Variants in TRAF2 observed in about 807,000 individuals in gnomAD.
The protein encoded by TRAF2 is TNF receptor associated factor 2.
TRAF2 carries 6 observed loss-of-function variants against 55.6 expected under a neutral mutation model. The observed-to-expected ratio is 0.11, with a 90% CI of 0.06 to 0.21. The LOEUF is 0.21. Ranked by LOEUF, TRAF2 falls within the 10% of genes least tolerant of loss-of-function variation. TRAF2 has a pLI of 1.00. For missense variants in TRAF2, 561 were observed against 684.5 expected (o/e 0.82, Z 2.01); for synonymous variants, 329 against 276.3 (o/e 1.19, Z -1.89).
chr9:136,910,992 C>T (rs572422711), intron 6 of TRAF2, among the ~76,000 whole-genome samples: 2 of 152,202 alleles, frequency 1.3e-5, no homozygotes, highest in Non-Finnish European at 2.9e-5. Context: ...GCCTGGGGCC[C>T]GTGTCTGTGA....
At chr9:136,899,543 T>C in intron 2 of TRAF2, 51 bp from the exon 3 acceptor site, 1 of 1,558,438 alleles carries the variant, frequency 6.4e-7, no homozygotes, top group South Asian at 1.2e-5. Flanking sequence ...GGTGTTTGTT[T>C]TTTGCATTAG....
At chr9:136,924,886 G>T (rs528218748) in intron 10 of TRAF2, among the ~76,000 whole-genome samples, 3 of 151,950 alleles carry the variant, frequency 2.0e-5, no homozygotes, top group Non-Finnish European at 4.4e-5. Flanking sequence ...CTACAGGCAT[G>T]CACCACCACG....
intron 10 of TRAF2, among the ~76,000 whole-genome samples, 161 bp from the exon 11 acceptor site, chr9:136,925,522 G>A (rs1331684972): frequency 6.6e-6 from 1 of 151,924 alleles, no homozygotes; most frequent in Non-Finnish European, 1.5e-5. Context: ...CGCTGTGGCA[G>A]GAGCAAGGCC....
chr9:136,917,079 CAG>C (rs775573867), intron 7 of TRAF2, among the ~76,000 whole-genome samples: 1 of 152,218 alleles, frequency 6.6e-6, no homozygotes, highest in African/African-American at 2.4e-5. Context: ...TTCGGGCTGA[CAG>C]AGGTCTCGTC....
chr9:136,920,632 C>A, intron 8 of TRAF2, 117 bp downstream of exon 8: 1 of 1,323,246 alleles, frequency 7.6e-7, no homozygotes, highest in Non-Finnish European at 1.0e-6. Context: ...TGTAGAACTC[C>A]ATCTGCAAAC....
chr9:136,890,379 C>G (rs954031715), intron 1 of TRAF2: 1 of 152,280 alleles, frequency 6.6e-6, no homozygotes, highest in Non-Finnish European at 1.5e-5. Flanking sequence ...CCCCTCACGT[C>G]TCTTATGATA....
At position 136,920,512 on chromosome 9, in the gene TRAF2, C is replaced by T; in HGVS notation, c.957C>T (p.Ser319=). The T allele has an allele frequency of 6.2e-7, 1 of 1,608,134 alleles. No individual in the cohort carries two copies. The highest frequency in any genetic ancestry group is 8.5e-7 in the Non-Finnish European group (1 of 1,176,436). The part of the protein sequence containing the change: ...LDQDKIEALS[S]KVQQLERSIG... The stretch of plus-strand genomic sequence containing the variant: ...AAGACAAGATTGAAGCCCTGAGTAG[C>T]AAGGTTTGTGCCTGCCGGGTGGCCA... Residue 319 remains serine (S), a synonymous_variant, in exon 8 of 11, where the codon AGC becomes AGT. Transcript: ENST00000247668.
chr9:136,889,915 C>T (rs991748841), intron 1 of TRAF2, among the ~76,000 whole-genome samples: 6 of 152,108 alleles, frequency 3.9e-5, no homozygotes, highest in Non-Finnish European at 8.8e-5. Context: ...TAATCACCCC[C>T]GCATGCTTGT....
intron 10 of TRAF2, among the ~76,000 whole-genome samples, chr9:136,925,372 C>T (rs2131339415): frequency 6.6e-6 from 1 of 152,298 alleles, no homozygotes; most frequent in South Asian, 2.1e-4. Flanking sequence ...TTTGCATTTT[C>T]CTAATAATAA....
chr9:136,913,283 T>C (rs1469112042), intron 6 of TRAF2, among the ~76,000 whole-genome samples: 2 of 149,062 alleles, frequency 1.3e-5, no homozygotes, highest in Non-Finnish European at 3.0e-5. Context: ...ACCATGTTCT[T>C]ATTATAAAGG....
chr9:136,908,253 C>G, intron 5 of TRAF2, 22 bp downstream of exon 5: 1 of 1,546,412 alleles, frequency 6.5e-7, no homozygotes. Flanking sequence ...GGAGCAGCAG[C>G]CTGTGTGGCT....
chr9:136,883,496 A>G (rs1337811807), upstream of TRAF2, among the ~76,000 whole-genome samples: 1 of 152,124 alleles, frequency 6.6e-6, no homozygotes, highest in Non-Finnish European at 1.5e-5. Flanking sequence ...TGAAGGAAGT[A>G]GAGTGTCCTA....
At chr9:136,924,096 C>CT in intron 10 of TRAF2, 96 bp downstream of exon 10, 1 of 1,459,706 alleles carries the variant, frequency 6.9e-7, no homozygotes, top group South Asian at 1.3e-5. Flanking sequence ...GACAAGGTGG[C>CT]TTGGGCTCGC....
At position 136,924,019 on chromosome 9, in the gene TRAF2, G is replaced by T; in HGVS notation, c.1287+19G>T. 6.2e-7 allele frequency: 1 copy of T among 1,610,496 alleles called. No individual in the cohort carries two copies. Among genetic ancestry groups the T allele is most frequent in the Non-Finnish European group, 8.5e-7 (1 of 1,179,562 alleles). On this transcript the variant is annotated intron_variant, in intron 10 of 10. Transcript: ENST00000247668. ...CCAGAAGGTGAGGCCGTCCCTGCAG[G>T]CTTCGCTAGGGCCGCACCTGGGAGT...
chr9:136,888,380 G>T (rs771235162), intron 1 of TRAF2, among the ~76,000 whole-genome samples: 2 of 152,046 alleles, frequency 1.3e-5, no homozygotes, highest in Non-Finnish European at 2.9e-5. Flanking sequence ...GCAGTGAGCC[G>T]AGATCGCGCC....
intron 6 of TRAF2, among the ~76,000 whole-genome samples, chr9:136,912,152 C>CTTTTTTTTTTTTT (rs1180324647): frequency 1.5e-4 from 9 of 58,330 alleles, no homozygotes; most frequent in African/African-American, 6.8e-4. Context: ...GCGTCTGGCC[C>CTTTTTTTTTTTTT]TTTTTTTTTT....
intron 4 of TRAF2, among the ~76,000 whole-genome samples, chr9:136,901,157 C>T (rs937668174): frequency 6.6e-6 from 1 of 152,116 alleles, no homozygotes; most frequent in Non-Finnish European, 1.5e-5. Flanking sequence ...GTGATTCTCA[C>T]GTCACCTTTT....
intron 10 of TRAF2, among the ~76,000 whole-genome samples, chr9:136,924,241 AT>A (rs1850467105): frequency 6.6e-6 from 1 of 152,210 alleles, no homozygotes; most frequent in Admixed American, 6.5e-5. Context: ...GACCTGTCAG[AT>A]AAATATAAAT....
rs1849793824 is a variant in TRAF2 at position 136,900,522 on chromosome 9, TAAAGATGCCTGCGTGTGGC to T, written c.366+4_366+22del. The T allele has an allele frequency of 3.1e-6, 5 of 1,613,002 alleles. No individual in the cohort carries two copies. Among genetic ancestry groups the T allele is most frequent in the Non-Finnish European group, 4.2e-6 (5 of 1,179,274 alleles). On this transcript the variant is annotated splice_donor_5th_base_variant and intron_variant, in intron 4 of 10. Transcript: ENST00000247668. ...AAGGGGACCCTGAAAGAATACGAGG[TAAAGATGCCTGCGTGTGGC>T]ATGGTGACAGAAGCTCCAGCAGTCG...
Sources: allele counts gnomAD v4.1 joint callset (sites outside exome capture counted in the v4.1 genomes callset), GRCh38; gene constraint gnomAD v4.1.1; transcripts MANE v1.5; gene names NCBI Gene and HGNC (gene_info 2026-07-23, HGNC 2026-07-21).